ADCY9: variants seen among roughly 807,000 people sequenced by gnomAD.
The protein encoded by ADCY9 is adenylate cyclase type 9.
In ADCY9, 50 loss-of-function variants were observed where a neutral mutation model predicts 101.5. The observed-to-expected ratio is 0.49, with a 90% CI of 0.39 to 0.62. ADCY9 has a LOEUF of 0.62. Ranked by LOEUF, ADCY9 falls within the 20% of genes least tolerant of loss-of-function variation. ADCY9 has a pLI of 0.00. For synonymous variants in ADCY9, 905 were observed against 769.3 expected, an observed-to-expected ratio of 1.18 and a Z score of -2.92; for missense variants, 1,662 against 1,800.4, an observed-to-expected ratio of 0.92 and a Z score of 1.39.
At chr16:4,017,476 T>G (rs1489377008) in intron 2 of ADCY9, among the ~76,000 whole-genome samples, 1 of 149,162 alleles carries the variant, frequency 6.7e-6, no homozygotes, top group Non-Finnish European at 1.5e-5. Context: ...AAACCCTGTC[T>G]CTACTGAAAA....
intron 2 of ADCY9, among the ~76,000 whole-genome samples, chr16:4,077,462 A>G (rs1028792553): frequency 1.3e-5 from 2 of 152,074 alleles, no homozygotes; most frequent in African/African-American, 4.8e-5. Context: ...TATTATGATT[A>G]TTTCCTGCAC....
intron 7 of ADCY9, among the ~76,000 whole-genome samples, chr16:3,980,846 G>C (rs1221471591): frequency 1.3e-5 from 2 of 152,208 alleles, no homozygotes; most frequent in African/African-American, 4.8e-5. Context: ...GAGGTTGGAG[G>C]GGGCCTTCAT....
Position 4,114,050 on chromosome 16 carries a change from T to C in ADCY9, c.1393A>G (p.Met465Val). Residue 465 changes from methionine (M) to valine (V), a missense_variant, in exon 2 of 11, where the codon ATG becomes GTG. Coordinates refer to ENST00000294016, the MANE Select transcript of ADCY9 (RefSeq NM_001116.4). The surrounding 1 kb of genome is among the most constrained non-coding windows in gnomAD (Gnocchi z 4.3). ...RADHAYCCIE[M>V]GLGMIKAIEQ... Reference sequence around the variant, plus strand: ...ATGGCCTTGATCATGCCCAGGCCCATCTCGATGCAGCAGTAGGCATGGTCG... The same window carrying C: ...ATGGCCTTGATCATGCCCAGGCCCACCTCGATGCAGCAGTAGGCATGGTCG... The C allele has an allele frequency of 6.2e-7, 1 of 1,613,860 alleles. No individual in the cohort carries two copies. Among genetic ancestry groups the C allele is most frequent in the South Asian group, 1.1e-5 (1 of 91,078 alleles).
rs112889951 is a variant in ADCY9 at position 4,045,394 on chromosome 16, C to T, written c.1694-37836G>A. 4.1e-3 allele frequency among the ~76,000 whole-genome samples: 626 copies of T among 151,766 alleles called. 2 individuals are homozygous for T. Among genetic ancestry groups the T allele is most frequent in the Non-Finnish European group, 6.2e-3 (419 of 67,890 alleles). On this transcript the variant is annotated intron_variant, in intron 2 of 10. Coordinates refer to ENST00000294016, the MANE Select transcript of ADCY9 (RefSeq NM_001116.4). ...GGCAGATCACAAGGTCAGGAGTTCG[C>T]GACCAGCCTGACTAACATGGTGAAA... is the stretch of plus-strand genomic sequence containing the variant.
Position 4,114,361 on chromosome 16 carries a change from T to A in ADCY9, c.1082A>T (p.His361Leu), listed in dbSNP as rs1404132897. 2 of 1,614,050 alleles carry A rather than the reference T, an allele frequency of 1.2e-6. No homozygotes were observed. Among genetic ancestry groups the A allele is most frequent in the Middle Eastern group, 1.6e-4 (1 of 6,062 alleles). The part of the protein sequence containing the change: ...DEESENSVKR[H>L]ATSSPKNRKK... ...CCTGTTCTTGGGGCTCGAGGTGGCA[T>A]GCCTCTTGACAGAATTCTCACTCTC... Residue 361 changes from histidine to leucine, a missense_variant, in exon 2 of 11, where the codon CAT (histidine) becomes CTT (leucine). Coordinates refer to ENST00000294016, the MANE Select transcript of ADCY9 (RefSeq NM_001116.4). The surrounding 1 kb of genome is among the most constrained non-coding windows in gnomAD (Gnocchi z 4.3).
intron 2 of ADCY9, 70 bp downstream of exon 2, chr16:4,113,678 GAA>G: frequency 6.6e-7 from 1 of 1,520,480 alleles, no homozygotes; most frequent in Admixed American, 2.1e-5. Context: ...ACTGAGGCTG[GAA>G]GCTTTTTTTT....
At chr16:4,006,393 G>A (rs564002750) in intron 3 of ADCY9, among the ~76,000 whole-genome samples, 1 of 152,336 alleles carries the variant, frequency 6.6e-6, no homozygotes, top group South Asian at 2.1e-4. Context: ...ATCATTACGT[G>A]TAACTGGGCG....
chr16:4,102,296 C>G (rs2057048294), intron 2 of ADCY9, among the ~76,000 whole-genome samples: 1 of 152,118 alleles, frequency 6.6e-6, no homozygotes, highest in South Asian at 2.1e-4. Context: ...CAAAGTCCCA[C>G]AGTTAGGAAA....
rs1177234655 is a variant in ADCY9, at chr16:3,965,784, CTT to C, written c.4051_4052del (p.Lys1351GlufsTer20). Reference protein sequence around the residue: ...ANELTKLNVSKSV With the variant: ...ANELTKLNVSXSV ...GCGGGTGGGCGCCGCCTCACACACT[CTT>C]TGAAACGTTGAGCTTGGTGAGTTCG... On this transcript the variant is annotated frameshift_variant, in exon 11 of 11. Transcript: ENST00000294016. LOFTEE classifies it high-confidence loss of function. 6.2e-7 allele frequency: 1 copy of C among 1,612,304 alleles called. No individual in the cohort carries two copies. Among genetic ancestry groups the C allele is most frequent in the Non-Finnish European group, 8.5e-7 (1 of 1,179,140 alleles).
In ADCY9 at chr16:4,115,895, A is replaced by C. The variant is rs1597238494; in HGVS notation, c.-249T>G. The C allele has an allele frequency of 1.1e-4, 41 of 366,430 alleles. No homozygotes were observed. The highest frequency in any genetic ancestry group is 1.4e-4 in the Admixed American group (3 of 21,592). 22.7% of individuals were successfully genotyped at this position (366,430 alleles called of 1,614,324 possible). A position where few individuals can be genotyped will look rare whatever the true frequency, so the allele number is the denominator to read the frequency against. On this transcript the variant is annotated 5_prime_UTR_variant, in exon 1 of 11. Coordinates refer to ENST00000294016, the MANE Select transcript of ADCY9 (RefSeq NM_001116.4). This position sits in a 1 kb window ranked among gnomAD's most constrained non-coding sequence, Gnocchi z 6.2. ...CCCGCGAGCCGCCTGCGCACAAACA[A>C]CTCCGCTGGCGGCGCGGAGCCCTCC...
At chr16:3,973,968 A>T (rs998813835) in intron 10 of ADCY9, among the ~76,000 whole-genome samples, 1 of 152,122 alleles carries the variant, frequency 6.6e-6, no homozygotes, top group African/African-American at 2.4e-5. Flanking sequence ...CCGACTCTTC[A>T]ATTTATTTAG....
rs759320401 is a variant in ADCY9, at chr16:4,007,398, C to T, written c.1854G>A (p.Ala618=). Residue 618 remains alanine (A), a synonymous_variant, in exon 3 of 11, where the codon GCG becomes GCA. Transcript: ENST00000294016. ...TASSGNVSDL[A]QTVKTFDNLK... is the part of the protein sequence containing the mutation. ...GGTTATCAAAGGTTTTGACAGTCTG[C>T]GCCAAGTCACTGACATTCCCTGATG... 5.0e-6 allele frequency: 8 copies of T among 1,597,026 alleles called. No individual in the cohort carries two copies. Among genetic ancestry groups the T allele is most frequent in the Non-Finnish European group, 6.0e-6 (7 of 1,174,756 alleles).
intron 2 of ADCY9, among the ~76,000 whole-genome samples, chr16:4,092,263 C>T (rs1160586405): frequency 6.6e-6 from 1 of 152,190 alleles, no homozygotes; most frequent in African/African-American, 2.4e-5. Flanking sequence ...GAGCAAGACC[C>T]TGTCTCAAAA....
In ADCY9 at chr16:3,996,367, C is replaced by T. The variant is rs1057007776; in HGVS notation, c.1885-2857G>A. Among the ~76,000 whole-genome samples, 10 of 152,038 alleles carry T rather than the reference C, an allele frequency of 6.6e-5. 1 individual carries two copies. Among genetic ancestry groups the T allele is most frequent in the African/African-American group, 2.4e-4 (10 of 41,380 alleles). ...ACAGAGCAAACCCATTCTCAAAATACATATATATATGTATAAATATGTATA... is the reference window on the plus strand; with the variant it reads ...ACAGAGCAAACCCATTCTCAAAATATATATATATATGTATAAATATGTATA... On this transcript the variant is annotated intron_variant, in intron 3 of 10. Transcript: ENST00000294016.
intron 5 of ADCY9, among the ~76,000 whole-genome samples, chr16:3,989,379 G>C (rs1047830394): frequency 6.6e-6 from 1 of 151,428 alleles, no homozygotes; most frequent in Non-Finnish European, 1.5e-5. Context: ...TGGTTTTTTG[G>C]GGTTTTTTTT....
chr16:3,987,228 C>T (rs911277863), intron 6 of ADCY9, among the ~76,000 whole-genome samples: 14 of 152,196 alleles, frequency 9.2e-5, no homozygotes, highest in African/African-American at 1.4e-4. Flanking sequence ...CCTCCAGCTC[C>T]GGATGTTGTT....
rs193223339 is a variant in ADCY9, at chr16:4,003,921, T to C, written c.1884+3447A>G. Among the ~76,000 whole-genome samples, 592 of 152,106 alleles carry C rather than the reference T, an allele frequency of 3.9e-3. 4 individuals are homozygous for C. The highest frequency in any genetic ancestry group is 0.013 in the African/African-American group (556 of 41,508). ...AGTATCTGTCCCCCACATTATGCAATGTCAGGGCCCTTAGGATGAGGACCT... is the reference window on the plus strand; with the variant it reads ...AGTATCTGTCCCCCACATTATGCAACGTCAGGGCCCTTAGGATGAGGACCT... On this transcript the variant is annotated intron_variant, in intron 3 of 10. Transcript: ENST00000294016.
At chr16:4,026,168 T>C (rs1368868420) in intron 2 of ADCY9, among the ~76,000 whole-genome samples, 2 of 152,272 alleles carry the variant, frequency 1.3e-5, no homozygotes, top group East Asian at 1.9e-4. Context: ...ATCACGCCTA[T>C]AATCCCAGCA....
At chr16:4,054,523 G>C (rs143695978) in intron 2 of ADCY9, among the ~76,000 whole-genome samples, 1 of 152,020 alleles carries the variant, frequency 6.6e-6, no homozygotes, top group Non-Finnish European at 1.5e-5. Flanking sequence ...ATTAGATACG[G>C]GAAGCACCTG....
Sources: gnomAD v4.1 joint callset for allele counts (sites outside exome capture counted in the v4.1 genomes callset) on GRCh38, gnomAD v4.1.1 for gene constraint, Gnocchi (gnomAD v3.1) non-coding constraint, MANE v1.5 for transcripts, NCBI Gene and HGNC (gene_info 2026-07-23, HGNC 2026-07-21) for gene names.